The following ANXA8 variants were observed in gnomAD, a reference collection of about 807,000 sequenced individuals.
ANXA8 encodes the protein VAC-beta.
A neutral mutation model predicts 26.8 loss-of-function variants in ANXA8; 9 were observed. The ratio of observed to expected loss-of-function variants is 0.34; its 90% CI spans 0.20 to 0.59. ANXA8 has a LOEUF of 0.59. ANXA8 is among the 20% of genes least tolerant of loss of function. The pLI, the probability that ANXA8 is intolerant of heterozygous loss-of-function variation, is 0.84. For synonymous variants in ANXA8, 39 were observed against 94.8 expected (o/e 0.41, Z 3.42); for missense variants, 83 against 238.5 (o/e 0.35, Z 4.29).
At chr10:47,675,923 C>A in the ANXA8 span, among the ~76,000 whole-genome samples, 1 of 150,320 alleles carries the variant, frequency 6.7e-6, no homozygotes, top group Non-Finnish European at 1.5e-5. Flanking sequence ...TGCCAAAGAA[C>A]CAAGTTGAAA....
the ANXA8 span, among the ~76,000 whole-genome samples, chr10:47,599,185 C>G: frequency 6.9e-6 from 1 of 144,228 alleles, no homozygotes; most frequent in African/African-American, 2.7e-5. Context: ...GACTACACTA[C>G]TCAAGATAAA....
the ANXA8 span, among the ~76,000 whole-genome samples, chr10:47,623,324 G>A: frequency 1.8e-5 from 2 of 111,532 alleles, no homozygotes; most frequent in Non-Finnish European, 3.9e-5. Flanking sequence ...GTAAAAAATT[G>A]TCTAAATGAT....
chr10:47,630,425 T>A, the ANXA8 span, among the ~76,000 whole-genome samples: 1 of 149,818 alleles, frequency 6.7e-6, no homozygotes. Context: ...GTTATTGAGG[T>A]TAAACTCCAA....
the ANXA8 span, among the ~76,000 whole-genome samples, chr10:47,769,219 C>T: frequency 1.4e-5 from 2 of 147,782 alleles, no homozygotes; most frequent in African/African-American, 2.6e-5. Flanking sequence ...TTCAAAGGGC[C>T]CATTTGAGCA....
Position 47,474,022 on chromosome 10 carries a change from G to C in ANXA8, c.690C>G (p.Asp230Glu). The C allele has an allele frequency of 3.6e-6, 2 of 556,032 alleles. No homozygotes were observed. The highest frequency in any genetic ancestry group is 3.1e-6 in the Non-Finnish European group (1 of 325,438). The allele number at this position is 556,032 out of a possible 1,614,324, so 34.4% of individuals were successfully genotyped here. Residue 230 changes from aspartate (D) to glutamate (E), a missense_variant, in exon 9 of 12, where the codon GAC becomes GAG. Coordinates refer to ENST00000585281, the MANE Select transcript of ANXA8 (RefSeq NM_001040084.3). Reference protein sequence around the residue: ...YEKIANKSIEDSIKSETHGSL... With the variant: ...YEKIANKSIEESIKSETHGSL... ...AGCCATGGGTCTCACTCTTGATGCT[G>C]TCCTCAATGCTCTTGTTGGCAATTT... is the stretch of plus-strand genomic sequence containing the variant.
At chr10:47,676,337 C>A in the ANXA8 span, among the ~76,000 whole-genome samples, 8 of 151,700 alleles carry the variant, frequency 5.3e-5, no homozygotes. Flanking sequence ...TCAGCAAATC[C>A]CAAGCAAGTT....
chr10:47,689,300 C>G, the ANXA8 span, among the ~76,000 whole-genome samples: 3 of 151,522 alleles, frequency 2.0e-5, no homozygotes, highest in South Asian at 2.1e-4. Flanking sequence ...CTGCCTCAGC[C>G]TTCAAGTGGC....
At chr10:47,647,743 T>A in the ANXA8 span, among the ~76,000 whole-genome samples, 2 of 151,462 alleles carry the variant, frequency 1.3e-5, no homozygotes, top group South Asian at 4.1e-4. Flanking sequence ...AAAGAAAATA[T>A]GCTATTGGTA....
the ANXA8 span, among the ~76,000 whole-genome samples, chr10:47,950,054 GA>G: frequency 6.7e-6 from 1 of 148,290 alleles, no homozygotes; most frequent in Non-Finnish European, 1.5e-5. Context: ...TAAGAGGATG[GA>G]AAAAAATATA....
chr10:47,684,464 A>G, the ANXA8 span, among the ~76,000 whole-genome samples: 1 of 151,754 alleles, frequency 6.6e-6, no homozygotes, highest in Admixed American at 6.6e-5. Context: ...TTCTACACTT[A>G]CAAGGGTATT....
chr10:47,945,150 C>T, the ANXA8 span, among the ~76,000 whole-genome samples: 1 of 150,052 alleles, frequency 6.7e-6, no homozygotes, highest in Admixed American at 6.6e-5. Flanking sequence ...CAGAGAATTC[C>T]TGGGCATAGC....
the ANXA8 span, among the ~76,000 whole-genome samples, chr10:47,644,078 G>C: frequency 1.6e-5 from 2 of 124,708 alleles, no homozygotes; most frequent in Non-Finnish European, 3.2e-5. Flanking sequence ...TTTAGGAAAA[G>C]CATGGTCCTA....
chr10:47,657,842 T>G, the ANXA8 span, among the ~76,000 whole-genome samples: 1 of 150,858 alleles, frequency 6.6e-6, no homozygotes, highest in Admixed American at 6.6e-5. Flanking sequence ...ACTGACATAA[T>G]AAGCAAAACC....
the ANXA8 span, among the ~76,000 whole-genome samples, chr10:47,614,703 G>T: frequency 1.8e-5 from 1 of 56,682 alleles, no homozygotes. Flanking sequence ...TTGTTGCCTA[G>T]GCTGGAGTGC....
chr10:47,947,283 A>C, the ANXA8 span, among the ~76,000 whole-genome samples: 1 of 136,668 alleles, frequency 7.3e-6, no homozygotes, highest in Non-Finnish European at 1.5e-5. Flanking sequence ...GGCCTTGCAG[A>C]ATAAGGGAGA....
At chr10:47,930,679 T>C in the ANXA8 span, among the ~76,000 whole-genome samples, 1 of 152,306 alleles carries the variant, frequency 6.6e-6, no homozygotes, top group African/African-American at 2.4e-5. Flanking sequence ...TGTAGATGTT[T>C]TATTTACTGT....
chr10:47,643,518 G>A, the ANXA8 span, among the ~76,000 whole-genome samples: 2 of 147,892 alleles, frequency 1.4e-5, no homozygotes, highest in Non-Finnish European at 2.9e-5. Context: ...GACAGAGCGA[G>A]ACTCCATAAA....
chr10:47,957,633 C>T, the ANXA8 span, among the ~76,000 whole-genome samples: 7 of 149,418 alleles, frequency 4.7e-5, no homozygotes, highest in Non-Finnish European at 1.0e-4. Flanking sequence ...TTTAAAAGAA[C>T]AGAAATTTAT....
chr10:47,733,195 T>TTCTTTCTTTCTTTCTCTCTCTCTC, the ANXA8 span, among the ~76,000 whole-genome samples: 1 of 111,386 alleles, frequency 9.0e-6, no homozygotes, highest in East Asian at 2.4e-4. Context: ...CTTTCTTTCT[T>TTCTTTCTTTCTTTCTCTCTCTCTC]TCTTTCTTTC....
Sources: allele counts gnomAD v4.1 joint callset (sites outside exome capture counted in the v4.1 genomes callset), GRCh38; gene constraint gnomAD v4.1.1; transcripts MANE v1.5; gene names NCBI Gene and HGNC (gene_info 2026-07-23, HGNC 2026-07-21).